AHDC1: variants seen among roughly 807,000 people sequenced by gnomAD.
AHDC1 encodes the protein AT-hook DNA binding motif containing 1.
AHDC1 carries 7 observed loss-of-function variants against 87.9 expected under a neutral mutation model. The observed-to-expected ratio is 0.08, with a 90% CI of 0.05 to 0.15. The LOEUF (loss-of-function observed/expected upper bound fraction) is 0.15, where lower values mean the gene tolerates loss of function less well. Among genes scored for constraint, AHDC1 ranks in the 10% least tolerant of loss-of-function variants. The pLI is 1.00. For missense variants in AHDC1, 1,841 were observed against 2,253.2 expected (o/e 0.82, Z 3.70); for synonymous variants, 1,051 against 1,006.8 (o/e 1.04, Z -0.83).
chr1:27,564,447 G>C (rs918756707), intron 3 of AHDC1, among the ~76,000 whole-genome samples: 1 of 152,226 alleles, frequency 6.6e-6, no homozygotes, highest in African/African-American at 2.4e-5. Context: ...CTGTACAAAA[G>C]GGACAAGAGT....
intron 3 of AHDC1, among the ~76,000 whole-genome samples, chr1:27,567,322 G>A (rs766839213): frequency 5.3e-5 from 8 of 152,168 alleles, no homozygotes; most frequent in African/African-American, 1.2e-4. Context: ...CGGGGCGCCC[G>A]CTCCTCCAAG....
chr1:27,541,024 AAAC>A (rs1450179763), intron 8 of AHDC1, among the ~76,000 whole-genome samples: 6 of 138,550 alleles, frequency 4.3e-5, no homozygotes, highest in South Asian at 4.5e-4. Flanking sequence ...AAAAAAAAAA[AAAC>A]AACAACAAAA....
At position 27,549,074 on chromosome 1, in the gene AHDC1, G is replaced by A. The variant is rs755810147; in HGVS notation, c.3042C>T (p.Ser1014=). 30 of 1,562,122 alleles carry A rather than the reference G, an allele frequency of 1.9e-5. No homozygotes were observed. The highest frequency in any genetic ancestry group is 2.3e-5 in the East Asian group (1 of 44,418). Residue 1014 remains serine (S), a synonymous_variant, in exon 8 of 9, where the codon AGC becomes AGT. Coordinates refer to ENST00000673934, the MANE Select transcript of AHDC1 (RefSeq NM_001371928.1). ...SGNSLPASPS[S]AHSAGYAPPP... is the part of the protein sequence containing the mutation. ...GTGGGGCATAGCCGGCGCTGTGGGCGCTGCTGGGTGAGGCAGGGAGGCTGT... is the reference window on the plus strand; with the variant it reads ...GTGGGGCATAGCCGGCGCTGTGGGCACTGCTGGGTGAGGCAGGGAGGCTGT...
rs1289260241 is a variant in AHDC1, at chr1:27,598,621, T to C, written c.-629+4776A>G. Among the ~76,000 whole-genome samples the C allele has an allele frequency of 6.6e-6, 1 of 152,162 alleles. No individual in the cohort carries two copies. The highest frequency in any genetic ancestry group is 1.5e-5 in the Non-Finnish European group (1 of 67,996). On this transcript the variant is annotated intron_variant, in intron 3 of 8. Coordinates refer to ENST00000673934, the MANE Select transcript of AHDC1 (RefSeq NM_001371928.1). This position sits in a 1 kb window ranked among gnomAD's most constrained non-coding sequence, Gnocchi z 4.2. ...GGCATGAGGGGTTGTTCTTGCCAACTGCACTGGGGCCATTCCCACCTCCAT... is the reference window on the plus strand; with the variant it reads ...GGCATGAGGGGTTGTTCTTGCCAACCGCACTGGGGCCATTCCCACCTCCAT...
At chr1:27,597,417 G>A (rs1571350274) in intron 3 of AHDC1, among the ~76,000 whole-genome samples, 1 of 152,082 alleles carries the variant, frequency 6.6e-6, no homozygotes, top group South Asian at 2.1e-4. Flanking sequence ...GTGTAGACAG[G>A]TGTGACCGTG....
chr1:27,572,877 T>G (rs1057490268), intron 3 of AHDC1, among the ~76,000 whole-genome samples: 28 of 152,246 alleles, frequency 1.8e-4, no homozygotes, highest in Non-Finnish European at 5.9e-5. Flanking sequence ...CTAGCTGTCT[T>G]GTGCGCCATG....
chr1:27,583,702 G>A (rs1288275391), intron 3 of AHDC1, among the ~76,000 whole-genome samples: 1 of 152,106 alleles, frequency 6.6e-6, no homozygotes, highest in Admixed American at 6.5e-5. Context: ...TCACACTGCA[G>A]CTCCACCCTC....
rs1055183084 is a variant in AHDC1, at chr1:27,547,028, C to G, written c.*43+233G>C. Among the ~76,000 whole-genome samples the G allele has an allele frequency of 6.6e-6, 1 of 151,842 alleles. No homozygotes were observed. The highest frequency in any genetic ancestry group is 2.4e-5 in the African/African-American group (1 of 41,368). On this transcript the variant is annotated intron_variant, in intron 8 of 8. Coordinates refer to ENST00000673934, the MANE Select transcript of AHDC1 (RefSeq NM_001371928.1). This position sits in a 1 kb window ranked among gnomAD's most constrained non-coding sequence, Gnocchi z 4.9. ...CCTCTGGCCATTTCAATTCACAAGA[C>G]CCCCCCGAACGTTCAAGCCCCCTGC...
At chr1:27,557,782 CCCAGAA>C (rs2148329304) in intron 5 of AHDC1, among the ~76,000 whole-genome samples, 1 of 152,306 alleles carries the variant, frequency 6.6e-6, no homozygotes, top group East Asian at 1.9e-4. Context: ...CCAGTACACA[CCCAGAA>C]TCCTGCATAT....
In AHDC1 at chr1:27,551,772, C is replaced by T. The variant is rs373450165; in HGVS notation, c.344G>A (p.Arg115Gln). 9.4e-5 allele frequency: 151 copies of T among 1,613,382 alleles called. No homozygotes were observed. Among genetic ancestry groups the T allele is most frequent in the Non-Finnish European group, 1.2e-4 (144 of 1,179,918 alleles). The stretch of plus-strand genomic sequence containing the variant: ...CTGCACCACTGGTCGCAGGTTCACC[C>T]GCCCGTTGTCCCAGCAGCGTCGGGA... Reference protein sequence around the residue: ...SSSRRCWDNGRVNLRPVVQLI... With the variant: ...SSSRRCWDNGQVNLRPVVQLI... Residue 115 changes from arginine (R) to glutamine (Q), a missense_variant, in exon 8 of 9, where the codon CGG (arginine) becomes CAG (glutamine). Arg to Gln is a conservative substitution (Grantham distance 43). Around this residue, in one of 13 missense-constraint regions of AHDC1, gnomAD observed 50 missense variants for 104.3 expected, o/e 0.48. Transcript: ENST00000673934.
chr1:27,560,566 G>A lies in AHDC1; in HGVS notation c.-628-1683C>T, dbSNP rs138754425. Among the ~76,000 whole-genome samples, 534 of 152,186 alleles carry A rather than the reference G, an allele frequency of 3.5e-3. 7 individuals carry two copies. The highest frequency in any genetic ancestry group is 0.018 in the South Asian group (89 of 4,816). On this transcript the variant is annotated intron_variant, in intron 3 of 8. Transcript: ENST00000673934. The surrounding 1 kb of genome is among the most constrained non-coding windows in gnomAD (Gnocchi z 4.1). ...TCTGGGTTTTCAGGGTCATGGTGTG[G>A]CAGTGTGACTGGCCACAGTGTCCCT...
At position 27,549,335 on chromosome 1, in the gene AHDC1, T is replaced by C; in HGVS notation, c.2781A>G (p.Ala927=). The C allele has an allele frequency of 1.2e-6, 2 of 1,611,346 alleles. No homozygotes were observed. The highest frequency in any genetic ancestry group is 1.7e-6 in the Non-Finnish European group (2 of 1,178,352). ...ARQTFPPGRA[A]SYGLTPAASD... ...AAGCGGCTGGAGTTAGCCCATAGCT[T>C]GCTGCTCGTCCTGGTGGGAAGGTCT... is the stretch of plus-strand genomic sequence containing the variant. The change falls in exon 8 of 9, where the codon GCA becomes GCG. Residue 927 remains alanine, a synonymous_variant. Transcript: ENST00000673934.
intron 8 of AHDC1, among the ~76,000 whole-genome samples, chr1:27,536,820 G>A (rs1276400155): frequency 1.3e-5 from 2 of 152,012 alleles, no homozygotes; most frequent in African/African-American, 4.8e-5. Context: ...CAAGGGCCCC[G>A]GGGCAGGCTG....
chr1:27,554,230 G>A (rs747745568), intron 5 of AHDC1, among the ~76,000 whole-genome samples: 1 of 152,192 alleles, frequency 6.6e-6, no homozygotes, highest in Non-Finnish European at 1.5e-5. Flanking sequence ...GACATTCTCT[G>A]ATCCTTCTTC....
At position 27,547,730 on chromosome 1, in the gene AHDC1, C is replaced by T. The variant is rs1239791191; in HGVS notation, c.4386G>A (p.Lys1462=). ...CTGGAGGGTACCAATAGGCTGTGCC[C>T]TTGCAGCTGGGGGAATCGTAGTGGG... ...GQPHYDSPSC[K]GTAYWYPPGS... Residue 1462 remains lysine, a synonymous_variant, in exon 8 of 9, where the codon AAG becomes AAA. Coordinates refer to ENST00000673934, the MANE Select transcript of AHDC1 (RefSeq NM_001371928.1). The surrounding 1 kb of genome is among the most constrained non-coding windows in gnomAD (Gnocchi z 4.9). 6.3e-7 allele frequency: 1 copy of T among 1,592,984 alleles called. No individual in the cohort carries two copies. Among genetic ancestry groups the T allele is most frequent in the South Asian group, 1.1e-5 (1 of 89,536 alleles).
In AHDC1 at chr1:27,548,825, C is replaced by T. The variant is rs2019340307; in HGVS notation, c.3291G>A (p.Glu1097=). Residue 1097 remains glutamate, a synonymous_variant, in exon 8 of 9, where the codon GAG becomes GAA. Coordinates refer to ENST00000673934, the MANE Select transcript of AHDC1 (RefSeq NM_001371928.1). ...SSSSSFQPSP[E]NCRQFAGASQ... Reference sequence around the variant, plus strand: ...AAGCCCCCGCAAACTGCCGACAGTTCTCGGGCGAGGGCTGGAAGGAGGAGG... The same window carrying T: ...AAGCCCCCGCAAACTGCCGACAGTTTTCGGGCGAGGGCTGGAAGGAGGAGG... 1 of 1,612,868 alleles carries T rather than the reference C, an allele frequency of 6.2e-7. No individual in the cohort carries two copies. The highest frequency in any genetic ancestry group is 8.5e-7 in the Non-Finnish European group (1 of 1,179,934).
At chr1:27,535,449 C>T (rs961102786) in intron 8 of AHDC1, among the ~76,000 whole-genome samples, 1 of 152,168 alleles carries the variant, frequency 6.6e-6, no homozygotes, top group African/African-American at 2.4e-5. Flanking sequence ...GTTAGGCTCT[C>T]CAAACCTGCC....
At chr1:27,591,591 T>G (rs1384762023) in intron 3 of AHDC1, among the ~76,000 whole-genome samples, 2 of 152,166 alleles carry the variant, frequency 1.3e-5, no homozygotes, top group African/African-American at 2.4e-5. Flanking sequence ...GCTGAAGAGT[T>G]TATGGTGATC....
intron 8 of AHDC1, among the ~76,000 whole-genome samples, chr1:27,539,138 CTTTTT>C (rs112072152): frequency 8.0e-6 from 1 of 125,370 alleles, no homozygotes; most frequent in Non-Finnish European, 1.7e-5. Context: ...TTTTTCTTTT[CTTTTT>C]TTTTTTTTTT....
Sources: gnomAD v4.1 joint callset for allele counts (sites outside exome capture counted in the v4.1 genomes callset) on GRCh38, gnomAD v4.1.1 for gene constraint, gnomAD v4.1.1 regional missense constraint, Gnocchi (gnomAD v3.1) non-coding constraint, MANE v1.5 for transcripts, NCBI Gene and HGNC (gene_info 2026-07-23, HGNC 2026-07-21) for gene names.